CNBD1: variants seen among roughly 807,000 people sequenced by gnomAD.
CNBD1 encodes the protein cyclic nucleotide binding domain containing 1.
A neutral mutation model predicts 54.4 loss-of-function variants in CNBD1; 71 were observed. The observed-to-expected ratio is 1.30, with a 90% CI of 1.08 to 1.59. CNBD1 has a LOEUF of 1.59. Among genes scored for constraint, CNBD1 ranks in the 40% most tolerant of loss-of-function variants. CNBD1 has a pLI of 0.00. For missense variants in CNBD1, 659 were observed against 518.0 expected (o/e 1.27, Z -2.64); for synonymous variants, 182 against 170.7 (o/e 1.07, Z -0.51).
At chr8:87,215,912 T>C (rs1814199665) in intron 5 of CNBD1, among the ~76,000 whole-genome samples, 1 of 152,174 alleles carries the variant, frequency 6.6e-6, no homozygotes, top group African/African-American at 2.4e-5. Flanking sequence ...TAAACCCTGG[T>C]AGCCACTAGC....
intron 8 of CNBD1, among the ~76,000 whole-genome samples, chr8:87,303,315 C>G (rs1468920841): frequency 6.6e-6 from 1 of 151,790 alleles, no homozygotes; most frequent in Non-Finnish European, 1.5e-5. Flanking sequence ...CAGAACAGAG[C>G]CCTCAGAAAT....
intron 10 of CNBD1, among the ~76,000 whole-genome samples, chr8:87,371,941 CCT>C (rs1350622794): frequency 6.6e-6 from 1 of 151,790 alleles, no homozygotes; most frequent in African/African-American, 2.4e-5. Flanking sequence ...ACAGGGACGC[CCT>C]CTCTCACCAC....
At chr8:86,897,796 G>A (rs950944613) in intron 2 of CNBD1, among the ~76,000 whole-genome samples, 7 of 152,124 alleles carry the variant, frequency 4.6e-5, no homozygotes, top group African/African-American at 1.7e-4. Flanking sequence ...ATTCCAGAAC[G>A]GATAGAGAGT....
chr8:87,380,177 C>T (rs1173312299), intron 10 of CNBD1, among the ~76,000 whole-genome samples: 1 of 151,790 alleles, frequency 6.6e-6, no homozygotes, highest in Non-Finnish European at 1.5e-5. Flanking sequence ...ATAATTTGTG[C>T]TAATATTTGA....
chr8:87,122,146 A>G lies in CNBD1; in HGVS notation c.432-83847A>G, dbSNP rs1811903756. Among the ~76,000 whole-genome samples the G allele has an allele frequency of 3.3e-5, 5 of 151,616 alleles. No individual in the cohort carries two copies. The South Asian group carries it at 1.0e-3, about 31-fold the overall frequency. On this transcript the variant is annotated intron_variant, in intron 4 of 10. Transcript: ENST00000518476. ...TAGTTTTTTGAGGAACCTCCATACCATTTTTCATAACATTTCTTTTAATTT... is the reference window on the plus strand; with the variant it reads ...TAGTTTTTTGAGGAACCTCCATACCGTTTTTCATAACATTTCTTTTAATTT...
intron 4 of CNBD1, among the ~76,000 whole-genome samples, chr8:87,151,036 T>G (rs1290510925): frequency 6.6e-6 from 1 of 152,162 alleles, no homozygotes; most frequent in Non-Finnish European, 1.5e-5. Context: ...AACTTTAAGG[T>G]TAATGCTGTC....
chr8:87,290,803 C>A (rs977189495), intron 8 of CNBD1, among the ~76,000 whole-genome samples: 3 of 152,096 alleles, frequency 2.0e-5, no homozygotes, highest in Admixed American at 6.6e-5. Context: ...TTTCTTCTGG[C>A]TTCTATTGTT....
chr8:87,364,034 ATGT>A (rs112122819), intron 10 of CNBD1, among the ~76,000 whole-genome samples: 2,814 of 151,644 alleles, frequency 0.019, 87 homozygotes, highest in African/African-American at 0.061. Context: ...GCTGGCTCAA[ATGT>A]TGTTGTTTTC....
At chr8:87,184,413 C>T (rs117023337) in intron 4 of CNBD1, among the ~76,000 whole-genome samples, 211 of 152,280 alleles carry the variant, frequency 1.4e-3, no homozygotes, top group Middle Eastern at 6.8e-3. Flanking sequence ...CTAAAGCCAC[C>T]TAGAGGAGGA....
At chr8:87,085,189 G>A (rs1811072564) in intron 4 of CNBD1, among the ~76,000 whole-genome samples, 1 of 152,104 alleles carries the variant, frequency 6.6e-6, no homozygotes, top group Non-Finnish European at 1.5e-5. Context: ...GCATGCTGTT[G>A]ATCCCATCAA....
intron 4 of CNBD1, among the ~76,000 whole-genome samples, chr8:87,133,667 T>G (rs534551546): frequency 9.2e-5 from 14 of 151,854 alleles, no homozygotes; most frequent in African/African-American, 3.4e-4. Context: ...TTTGCCTTCT[T>G]ATTGATTGTT....
At chr8:87,198,495 A>G (rs763691430) in intron 4 of CNBD1, among the ~76,000 whole-genome samples, 1 of 152,252 alleles carries the variant, frequency 6.6e-6, no homozygotes, top group African/African-American at 2.4e-5. Context: ...AAAAAAAAGC[A>G]GTTAACAGCA....
At chr8:87,285,888 T>TA (rs1183021862) in intron 7 of CNBD1, among the ~76,000 whole-genome samples, 2 of 152,034 alleles carry the variant, frequency 1.3e-5, no homozygotes, top group Non-Finnish European at 2.9e-5. Flanking sequence ...AATAAATAAA[T>TA]AAAAAATAAT....
intron 10 of CNBD1, among the ~76,000 whole-genome samples, chr8:87,371,607 A>T (rs1810799647): frequency 6.6e-6 from 1 of 152,018 alleles, no homozygotes; most frequent in Non-Finnish European, 1.5e-5. Context: ...TGGCAAACTG[A>T]ATCCAGCAGC....
At chr8:86,950,276 G>T (rs969735462) in intron 4 of CNBD1, among the ~76,000 whole-genome samples, 5 of 151,718 alleles carry the variant, frequency 3.3e-5, no homozygotes, top group Admixed American at 2.0e-4. Flanking sequence ...TCACCATTTG[G>T]CCAGGCTGGT....
At chr8:87,336,162 T>C (rs1215004926) in intron 8 of CNBD1, among the ~76,000 whole-genome samples, 2 of 152,100 alleles carry the variant, frequency 1.3e-5, no homozygotes, top group Non-Finnish European at 2.9e-5. Context: ...GAGAATCTGA[T>C]GATTATGTGT....
chr8:87,239,468 A>T (rs1285002894), intron 6 of CNBD1, among the ~76,000 whole-genome samples: 1 of 152,142 alleles, frequency 6.6e-6, no homozygotes, highest in Non-Finnish European at 1.5e-5. Flanking sequence ...TTTTGCACAC[A>T]TAAAGGGCTA....
At chr8:87,405,563 C>A (rs1323080681) in intron 2 of CNBD1, among the ~76,000 whole-genome samples, 3 of 152,020 alleles carry the variant, frequency 2.0e-5, no homozygotes, top group Non-Finnish European at 4.4e-5. Flanking sequence ...ACAAGGTTAC[C>A]ACTTTTCTTA....
At chr8:87,036,007 C>A (rs191380895) in intron 4 of CNBD1, among the ~76,000 whole-genome samples, 1 of 152,172 alleles carries the variant, frequency 6.6e-6, no homozygotes, top group African/African-American at 2.4e-5. Flanking sequence ...AGTCATGTGA[C>A]TGTAAACACC....
Sources: gnomAD v4.1 joint callset for allele counts (sites outside exome capture counted in the v4.1 genomes callset) on GRCh38, gnomAD v4.1.1 for gene constraint, MANE v1.5 for transcripts, NCBI Gene and HGNC (gene_info 2026-07-23, HGNC 2026-07-21) for gene names.